Variants in DCAF5 observed in about 807,000 individuals in gnomAD.
DCAF5 encodes DDB1 and CUL4 associated factor 5.
In DCAF5, 9 loss-of-function variants were observed where a neutral mutation model predicts 80.7. The ratio of observed to expected loss-of-function variants is 0.11; its 90% CI spans 0.07 to 0.19. The LOEUF (loss-of-function observed/expected upper bound fraction) is 0.19, where lower values mean the gene tolerates loss of function less well. Ranked by LOEUF, DCAF5 falls within the 10% of genes least tolerant of loss-of-function variation. The probability of loss-of-function intolerance (pLI) is 1.00; values close to 1 mark genes in which losing one functional copy is unlikely to be tolerated. For missense variants in DCAF5, 842 were observed against 1,205.7 expected (o/e 0.70, Z 4.47); for synonymous variants, 433 against 461.9 (o/e 0.94, Z 0.80).
chr14:69,117,854 T>TG (rs2040589329), intron 4 of DCAF5, among the ~76,000 whole-genome samples: 1 of 152,182 alleles, frequency 6.6e-6, no homozygotes, highest in Admixed American at 6.5e-5. Flanking sequence ...TAGTTACATG[T>TG]CAGCACCACA....
At chr14:69,092,442 C>A (rs1228242624) in intron 5 of DCAF5, among the ~76,000 whole-genome samples, 1 of 152,116 alleles carries the variant, frequency 6.6e-6, no homozygotes, top group Non-Finnish European at 1.5e-5. Flanking sequence ...CATAATGAGA[C>A]TTTGTCTCTA....
At chr14:69,126,596 A>G (rs1293050462) in intron 1 of DCAF5, among the ~76,000 whole-genome samples, 1 of 152,250 alleles carries the variant, frequency 6.6e-6, no homozygotes, top group Non-Finnish European at 1.5e-5. Context: ...CAAAAGGCCC[A>G]TAATAGTCAA....
At chr14:69,143,782 T>C (rs1313233723) in intron 1 of DCAF5, 4 of 152,378 alleles carry the variant, frequency 2.6e-5, no homozygotes, top group Admixed American at 2.6e-4. Flanking sequence ...CCAAATTTTC[T>C]ATAAAGTAAC....
intron 1 of DCAF5, among the ~76,000 whole-genome samples, chr14:69,145,558 A>T (rs567553672): frequency 1.6e-4 from 25 of 152,310 alleles, no homozygotes; most frequent in Admixed American, 1.3e-3. Flanking sequence ...ACATAAGAAA[A>T]TCAAAAAATT....
At chr14:69,119,716 A>G (rs1010427311) in intron 2 of DCAF5, among the ~76,000 whole-genome samples, 3 of 152,018 alleles carry the variant, frequency 2.0e-5, no homozygotes, top group African/African-American at 7.2e-5. Flanking sequence ...AAAAAAAAAA[A>G]AAAGTAGGGG....
At position 69,118,083 on chromosome 14, in the gene DCAF5, A is replaced by T. The variant is rs892959535; in HGVS notation, c.535+56T>A. On this transcript the variant is annotated intron_variant, in intron 4 of 8. Coordinates refer to ENST00000341516, the MANE Select transcript of DCAF5 (RefSeq NM_003861.3). This position sits in a 1 kb window ranked among gnomAD's most constrained non-coding sequence, Gnocchi z 4.0. ...GAGGTAATAAATTGGATCTTCAATG[A>T]ATCTGACATCAAACTGTTCAACACA... is the stretch of plus-strand genomic sequence containing the variant. 1 of 1,599,538 alleles carries T rather than the reference A, an allele frequency of 6.3e-7. No homozygotes were observed. Among genetic ancestry groups the T allele is most frequent in the South Asian group, 1.1e-5 (1 of 90,038 alleles).
intron 1 of DCAF5, among the ~76,000 whole-genome samples, chr14:69,141,261 T>G (rs1311935988): frequency 6.7e-6 from 1 of 150,110 alleles, no homozygotes; most frequent in African/African-American, 2.4e-5. Context: ...GCTAAGAGAC[T>G]GGGGTTTTGG....
At chr14:69,060,998 A>T (rs1277443933) in intron 8 of DCAF5, among the ~76,000 whole-genome samples, 2 of 149,854 alleles carry the variant, frequency 1.3e-5, no homozygotes, top group Non-Finnish European at 1.5e-5. Context: ...TCATTTTAAT[A>T]AAAAAATTGA....
At chr14:69,140,845 G>T (rs149545299) in intron 1 of DCAF5, among the ~76,000 whole-genome samples, 1 of 151,942 alleles carries the variant, frequency 6.6e-6, no homozygotes, top group Non-Finnish European at 1.5e-5. Flanking sequence ...GGCCAGGAGC[G>T]GTAGCTCACA....
chr14:69,078,634 A>T (rs2038985257), intron 6 of DCAF5, among the ~76,000 whole-genome samples: 1 of 152,246 alleles, frequency 6.6e-6, no homozygotes, highest in Non-Finnish European at 1.5e-5. Flanking sequence ...AGGACATCAC[A>T]TCATGCTAAC....
At chr14:69,145,718 TCTTAA>T (rs879542676) in intron 1 of DCAF5, among the ~76,000 whole-genome samples, 35 of 152,356 alleles carry the variant, frequency 2.3e-4, no homozygotes, top group Admixed American at 9.1e-4. Context: ...ACTGATTCCT[TCTTAA>T]CTTAGGTAAT....
At chr14:69,130,377 T>C (rs958429223) in intron 1 of DCAF5, among the ~76,000 whole-genome samples, 1 of 152,182 alleles carries the variant, frequency 6.6e-6, no homozygotes, top group Non-Finnish European at 1.5e-5. Flanking sequence ...ACATGAGGAA[T>C]AGTCAAATCA....
In DCAF5 at chr14:69,152,589, T is replaced by A. The variant is rs540685114; in HGVS notation, c.214+176A>T. The A allele has an allele frequency of 1.7e-6, 1 of 600,610 alleles. No homozygotes were observed. Among genetic ancestry groups the A allele is most frequent in the African/African-American group, 1.9e-5 (1 of 53,636 alleles). The allele number at this position is 600,610 out of a possible 1,614,324, so 37.2% of individuals were successfully genotyped here. On this transcript the variant is annotated intron_variant, in intron 1 of 8. Coordinates refer to ENST00000341516, the MANE Select transcript of DCAF5 (RefSeq NM_003861.3). This position sits in a 1 kb window ranked among gnomAD's most constrained non-coding sequence, Gnocchi z 4.1. ...GGTCTTTTTTATAGAAGACATCCTCTCCTTCCCCTCCCCCTGCAATGGTTT... is the reference window on the plus strand; with the variant it reads ...GGTCTTTTTTATAGAAGACATCCTCACCTTCCCCTCCCCCTGCAATGGTTT...
At chr14:69,121,468 T>C (rs2040715651) in intron 2 of DCAF5, among the ~76,000 whole-genome samples, 1 of 152,230 alleles carries the variant, frequency 6.6e-6, no homozygotes, top group Non-Finnish European at 1.5e-5. Flanking sequence ...CTTTTTAAAG[T>C]TGAAAATGGT....
At chr14:69,129,480 G>C (rs986907985) in intron 1 of DCAF5, among the ~76,000 whole-genome samples, 1 of 152,206 alleles carries the variant, frequency 6.6e-6, no homozygotes, top group African/African-American at 2.4e-5. Context: ...CCAAGCCTCT[G>C]ATTCAACAAA....
At position 69,055,918 on chromosome 14, in the gene DCAF5, A is replaced by T. The variant is rs1037063857; in HGVS notation, c.1075-307T>A. ...GTAATCACATACTTTCTCCACCAGAATCTTCCTCCCTTTTAGTTTCATCTA... is the reference window on the plus strand; with the variant it reads ...GTAATCACATACTTTCTCCACCAGATTCTTCCTCCCTTTTAGTTTCATCTA... On this transcript the variant is annotated intron_variant, in intron 8 of 8. Transcript: ENST00000341516. The surrounding 1 kb of genome is among the most constrained non-coding windows in gnomAD (Gnocchi z 5.6). 1.6e-4 allele frequency among the ~76,000 whole-genome samples: 25 copies of T among 152,182 alleles called. No individual in the cohort carries two copies. The highest frequency in any genetic ancestry group is 5.8e-4 in the African/African-American group (24 of 41,452).
intron 5 of DCAF5, among the ~76,000 whole-genome samples, chr14:69,106,149 C>T (rs1170633192): frequency 1.3e-5 from 2 of 150,694 alleles, no homozygotes; most frequent in African/African-American, 4.9e-5. Context: ...CTCTGCCTCC[C>T]AGGTTCAAGC....
intron 5 of DCAF5, among the ~76,000 whole-genome samples, chr14:69,103,146 C>G (rs1050911332): frequency 6.6e-6 from 1 of 152,100 alleles, no homozygotes; most frequent in Admixed American, 6.5e-5. Flanking sequence ...CAACACATAC[C>G]AATGAGTGAA....
In DCAF5 at chr14:69,118,388, C is replaced by A. The variant is rs2040604274; in HGVS notation, c.396-110G>T. ...ATCTTTTCCATTTCTAGAAGAAAGTCAACCTAGCTAAACCCAAAAAATATT... is the reference window on the plus strand; with the variant it reads ...ATCTTTTCCATTTCTAGAAGAAAGTAAACCTAGCTAAACCCAAAAAATATT... On this transcript the variant is annotated intron_variant, in intron 3 of 8. Transcript: ENST00000341516. The surrounding 1 kb of genome is among the most constrained non-coding windows in gnomAD (Gnocchi z 4.0). 6 of 1,270,746 alleles carry A rather than the reference C, an allele frequency of 4.7e-6. No homozygotes were observed. The East Asian group carries it at 9.6e-5, about 20-fold the overall frequency. The allele number at this position is 1,270,746 out of a possible 1,614,324, so 78.7% of individuals were successfully genotyped here.
Sources: gnomAD v4.1 joint callset for allele counts (sites outside exome capture counted in the v4.1 genomes callset) on GRCh38, gnomAD v4.1.1 for gene constraint, Gnocchi (gnomAD v3.1) non-coding constraint, MANE v1.5 for transcripts, NCBI Gene and HGNC (gene_info 2026-07-23, HGNC 2026-07-21) for gene names.